Variants in TTLL7 observed in about 807,000 individuals in gnomAD.
TTLL7 encodes tubulin tyrosine ligase like 7, also known as tubulin polyglutamylase TTLL7.
TTLL7 carries 53 observed loss-of-function variants against 120.2 expected under a neutral mutation model. The ratio of observed to expected loss-of-function variants is 0.44; its 90% CI spans 0.35 to 0.55. The LOEUF (loss-of-function observed/expected upper bound fraction) is 0.55, where lower values mean the gene tolerates loss of function less well. Ranked by LOEUF, TTLL7 falls within the 20% of genes least tolerant of loss-of-function variation. The pLI is 0.00. For synonymous variants in TTLL7, 353 were observed against 351.7 expected (o/e 1.00, Z -0.04); for missense variants, 803 against 1,054.7 (o/e 0.76, Z 3.31).
intron 1 of TTLL7, among the ~76,000 whole-genome samples, chr1:83,997,287 C>A (rs996606504): frequency 2.6e-5 from 4 of 152,136 alleles, no homozygotes; most frequent in African/African-American, 9.7e-5. Context: ...AGCAACCTGC[C>A]TCTTGAGACA....
chr1:83,876,678 T>C (rs1211450610), intron 20 of TTLL7, among the ~76,000 whole-genome samples: 1 of 152,006 alleles, frequency 6.6e-6, no homozygotes, highest in African/African-American at 2.4e-5. Context: ...TATTCTTTCA[T>C]GCTTTTGAAA....
At chr1:83,902,578 T>C (rs973758455) in intron 18 of TTLL7, among the ~76,000 whole-genome samples, 1 of 152,020 alleles carries the variant, frequency 6.6e-6, no homozygotes, top group Non-Finnish European at 1.5e-5. Context: ...CACCCAGTTC[T>C]CATGGTTTTT....
intron 1 of TTLL7, among the ~76,000 whole-genome samples, chr1:83,965,430 T>C (rs1571329936): frequency 6.6e-6 from 1 of 152,200 alleles, no homozygotes; most frequent in East Asian, 1.9e-4. Flanking sequence ...CCTGCCACCA[T>C]GATTGCAAGT....
In TTLL7 at chr1:83,907,459, T is replaced by C; in HGVS notation, c.1989A>G (p.Gln663=). 1 of 1,611,822 alleles carries C rather than the reference T, an allele frequency of 6.2e-7. No homozygotes were observed. The highest frequency in any genetic ancestry group is 8.5e-7 in the Non-Finnish European group (1 of 1,178,488). The change falls in exon 16 of 21, where the codon CAA becomes CAG. Residue 663 remains glutamine (Q), a synonymous_variant. Coordinates refer to ENST00000260505, the MANE Select transcript of TTLL7 (RefSeq NM_024686.6). The part of the protein sequence containing the change: ...HSNDACSTNS[Q]VSESLRQLKT... The stretch of plus-strand genomic sequence containing the variant: ...AAGAGCAAAACAGATGACCTACCAC[T>C]TGAGAGTTGGTAGAGCAGGCATCAT...
At chr1:83,897,554 TG>T (rs1185323932) in intron 18 of TTLL7, among the ~76,000 whole-genome samples, 1 of 152,090 alleles carries the variant, frequency 6.6e-6, no homozygotes. Context: ...GCTTCCCCAC[TG>T]GGGATCCACT....
chr1:83,881,721 A>C (rs1654495511), intron 20 of TTLL7, among the ~76,000 whole-genome samples: 1 of 151,586 alleles, frequency 6.6e-6, no homozygotes. Context: ...CATTTGACCC[A>C]GCCATCCCAT....
rs559855636 is a variant in TTLL7, at chr1:83,867,482, T to C, written c.*2480A>G. 2 of 152,182 alleles carry C rather than the reference T, an allele frequency of 1.3e-5. No homozygotes were observed. Among genetic ancestry groups the C allele is most frequent in the East Asian group, 3.9e-4 (2 of 5,190 alleles). The allele number at this position is 152,182 out of a possible 1,614,324, so 9.4% of individuals were successfully genotyped here. A position where few individuals can be genotyped will look rare whatever the true frequency, so the allele number is the denominator to read the frequency against. On this transcript the variant is annotated 3_prime_UTR_variant, in exon 21 of 21. Coordinates refer to ENST00000260505, the MANE Select transcript of TTLL7 (RefSeq NM_024686.6). Reference sequence around the variant, plus strand: ...GAGAAATGAAATTTATTTGTTGAAATCAATTTGTGGGGTACTTTCATACAT... The same window carrying C: ...GAGAAATGAAATTTATTTGTTGAAACCAATTTGTGGGGTACTTTCATACAT...
intron 1 of TTLL7, among the ~76,000 whole-genome samples, chr1:83,960,444 A>G (rs920275506): frequency 6.6e-6 from 1 of 152,136 alleles, no homozygotes; most frequent in South Asian, 2.1e-4. Flanking sequence ...GCAGAATAGC[A>G]GCAGGACTTG....
intron 20 of TTLL7, among the ~76,000 whole-genome samples, chr1:83,878,584 G>C (rs939967332): frequency 6.6e-6 from 1 of 151,876 alleles, no homozygotes; most frequent in Admixed American, 6.6e-5. Flanking sequence ...CAGGTACTGG[G>C]TTAGCAAGTA....
At chr1:83,933,124 C>G (rs751272842) in intron 9 of TTLL7, among the ~76,000 whole-genome samples, 12 of 152,112 alleles carry the variant, frequency 7.9e-5, no homozygotes, top group Non-Finnish European at 1.0e-4. Context: ...AGGTATATAA[C>G]ATGGCCTTAA....
In TTLL7 at chr1:83,921,367, G is replaced by A; in HGVS notation, c.1170C>T (p.Ala390=). The change falls in exon 11 of 21, where the codon GCC becomes GCT. Residue 390 remains alanine (A), a synonymous_variant. Coordinates refer to ENST00000260505, the MANE Select transcript of TTLL7 (RefSeq NM_024686.6). ...IRTSDKRRNL[A]KQKAEAQRRL... is the part of the protein sequence containing the mutation. Reference sequence around the variant, plus strand: ...TCCTTTGAGCCTCAGCTTTTTGTTTGGCCAAGTTTCTTCTTTTGTCACTGG... The same window carrying A: ...TCCTTTGAGCCTCAGCTTTTTGTTTAGCCAAGTTTCTTCTTTTGTCACTGG... 6.2e-7 allele frequency: 1 copy of A among 1,611,288 alleles called. No individual in the cohort carries two copies. Among genetic ancestry groups the A allele is most frequent in the East Asian group, 2.2e-5 (1 of 44,832 alleles).
intron 1 of TTLL7, among the ~76,000 whole-genome samples, chr1:83,965,906 T>C (rs1205472868): frequency 6.6e-6 from 1 of 152,110 alleles, no homozygotes; most frequent in Non-Finnish European, 1.5e-5. Flanking sequence ...GTGAGAATGC[T>C]AACATCATTT....
intron 1 of TTLL7, among the ~76,000 whole-genome samples, chr1:83,970,531 TTC>T (rs1165890202): frequency 6.6e-6 from 1 of 152,090 alleles, no homozygotes. Context: ...GTTTTTCAAG[TTC>T]TGATTTCAAT....
chr1:83,919,716 G>C lies in TTLL7; in HGVS notation c.1483C>G (p.Pro495Ala). 1.2e-6 allele frequency: 2 copies of C among 1,611,746 alleles called. No individual in the cohort carries two copies. The highest frequency in any genetic ancestry group is 1.7e-6 in the Non-Finnish European group (2 of 1,178,930). ...AASFQRELNN[P>A]LKRMKEEDIL... ...TCTCTTACCTTCATCCTTTTCAAAG[G>C]ATTATTCAACTCTCGCTGGAATGAA... is the stretch of plus-strand genomic sequence containing the variant. The change falls in exon 13 of 21, where the codon CCT becomes GCT. Residue 495 changes from proline to alanine, a missense_variant. Physicochemically the swap from Pro to Ala is conservative, Grantham distance 27. This residue lies in a region of TTLL7 where 324 missense variants were observed against 507.7 expected (regional missense o/e 0.64). Coordinates refer to ENST00000260505, the MANE Select transcript of TTLL7 (RefSeq NM_024686.6).
intron 10 of TTLL7, 146 bp from the exon 11 acceptor site, chr1:83,921,540 C>G (rs187751597): frequency 1.2e-6 from 1 of 807,668 alleles, no homozygotes; most frequent in African/African-American, 1.7e-5. Context: ...TTATATTCAT[C>G]TAACCATACC....
chr1:83,925,197 T>C (rs1372825379), intron 10 of TTLL7, among the ~76,000 whole-genome samples: 1 of 152,226 alleles, frequency 6.6e-6, no homozygotes, highest in Non-Finnish European at 1.5e-5. Context: ...GGGCCCTGTA[T>C]ATCAAATTTT....
At chr1:83,944,558 G>A (rs634009) in intron 6 of TTLL7, among the ~76,000 whole-genome samples, 149,253 of 152,168 alleles carry the variant, frequency 0.98, 73,223 homozygotes, top group East Asian at 1. Context: ...AACTACAAAA[G>A]TTAGCCAGGC....
chr1:83,974,436 T>C (rs1298240317), intron 1 of TTLL7, among the ~76,000 whole-genome samples: 2 of 151,936 alleles, frequency 1.3e-5, no homozygotes, highest in African/African-American at 4.8e-5. Flanking sequence ...AAAAATCATA[T>C]TGAAAAATAA....
intron 1 of TTLL7, among the ~76,000 whole-genome samples, chr1:83,952,796 TA>T (rs1225535974): frequency 6.6e-6 from 1 of 152,206 alleles, no homozygotes; most frequent in Non-Finnish European, 1.5e-5. Flanking sequence ...AAGGACAAAT[TA>T]TTTTGTGTAT....
Sources: gnomAD v4.1 joint callset for allele counts (sites outside exome capture counted in the v4.1 genomes callset) on GRCh38, gnomAD v4.1.1 for gene constraint, gnomAD v4.1.1 regional missense constraint, MANE v1.5 for transcripts, NCBI Gene and HGNC (gene_info 2026-07-23, HGNC 2026-07-21) for gene names.